The following F13A1 variants were observed in gnomAD, a reference collection of about 807,000 sequenced individuals.
F13A1 encodes FSF, A subunit.
A neutral mutation model predicts 80.1 loss-of-function variants in F13A1; 47 were observed. That is an observed-to-expected ratio of 0.59 (90% CI 0.46 to 0.75). The LOEUF (loss-of-function observed/expected upper bound fraction) is 0.75, where lower values mean the gene tolerates loss of function less well. F13A1 is among the 30% of genes least tolerant of loss of function. The probability of loss-of-function intolerance (pLI) is 0.00; values close to 1 mark genes in which losing one functional copy is unlikely to be tolerated. For synonymous variants in F13A1, 349 were observed against 344.9 expected, an observed-to-expected ratio of 1.01 and a Z score of -0.13; for missense variants, 817 against 930.4, an observed-to-expected ratio of 0.88 and a Z score of 1.59.
intron 3 of F13A1, among the ~76,000 whole-genome samples, chr6:6,293,985 A>G (rs1449066173): frequency 6.6e-6 from 1 of 152,162 alleles, no homozygotes; most frequent in Non-Finnish European, 1.5e-5. Flanking sequence ...ACTGAATGCA[A>G]ATTGGAAGCA....
chr6:6,238,996 CTT>C (rs1264248965), intron 6 of F13A1, among the ~76,000 whole-genome samples: 1 of 152,062 alleles, frequency 6.6e-6, no homozygotes, highest in Non-Finnish European at 1.5e-5. Flanking sequence ...GGCATGCTCT[CTT>C]TAGCTATTTA....
In F13A1 at chr6:6,318,151, A is replaced by G. The variant is rs188264758; in HGVS notation, c.130+384T>C. Among the ~76,000 whole-genome samples, 61 of 152,382 alleles carry G rather than the reference A, an allele frequency of 4.0e-4. No individual in the cohort carries two copies. The East Asian group carries it at 9.4e-3, about 24-fold the overall frequency. ...GAAGGAGGTGCAAGCCAGACAATCA[A>G]AACAGCCACAATATTTTGGAAGTGG... On this transcript the variant is annotated intron_variant, in intron 2 of 14. Transcript: ENST00000264870.
At chr6:6,147,578 C>A (rs559440673) in intron 14 of F13A1, among the ~76,000 whole-genome samples, 1 of 152,174 alleles carries the variant, frequency 6.6e-6, no homozygotes, top group Non-Finnish European at 1.5e-5. Context: ...TCCATTCATT[C>A]TCTCTCCTCT....
At chr6:6,253,012 AGC>A (rs1287066073) in intron 4 of F13A1, among the ~76,000 whole-genome samples, 1 of 151,812 alleles carries the variant, frequency 6.6e-6, no homozygotes, top group Admixed American at 6.6e-5. Context: ...TAAAAATATA[AGC>A]CAGGCATGGT....
chr6:6,145,393 G>C lies in F13A1; in HGVS notation c.*226C>G. Reference sequence around the variant, plus strand: ...AGAGCTTAATTAAAGCTAATGCTTAGCACTCTTTGGAAGGTGGAGAGATTA... The same window carrying C: ...AGAGCTTAATTAAAGCTAATGCTTACCACTCTTTGGAAGGTGGAGAGATTA... On this transcript the variant is annotated 3_prime_UTR_variant, in exon 15 of 15. Coordinates refer to ENST00000264870, the MANE Select transcript of F13A1 (RefSeq NM_000129.4). The C allele has an allele frequency of 6.8e-6, 4 of 590,232 alleles. No homozygotes were observed. Among genetic ancestry groups the C allele is most frequent in the Non-Finnish European group, 1.2e-5 (4 of 328,774 alleles). 36.6% of individuals were successfully genotyped at this position (590,232 alleles called of 1,614,324 possible).
At chr6:6,171,926 C>T (rs948198062) in intron 12 of F13A1, among the ~76,000 whole-genome samples, 2 of 152,180 alleles carry the variant, frequency 1.3e-5, no homozygotes, top group Non-Finnish European at 2.9e-5. Flanking sequence ...AAATGTCACC[C>T]CATTAGAGAG....
intron 3 of F13A1, among the ~76,000 whole-genome samples, chr6:6,291,032 T>C (rs1377963685): frequency 1.3e-5 from 2 of 151,980 alleles, no homozygotes; most frequent in African/African-American, 4.9e-5. Context: ...AGACATAGTC[T>C]TAAAGGATAT....
At chr6:6,229,205 T>C (rs1397292904) in intron 6 of F13A1, among the ~76,000 whole-genome samples, 1 of 152,026 alleles carries the variant, frequency 6.6e-6, no homozygotes, top group Admixed American at 6.6e-5. Flanking sequence ...AGAAACTGCA[T>C]GCAGAGGAAG....
rs775540197 is a variant in F13A1 at position 6,162,047 on chromosome 6, C to T, written c.1908+5411G>A. Reference sequence around the variant, plus strand: ...TTCCTGGAGAAGACAATGCTTTGGGCAAAGGCTTTGAAGAGAAGGGAGGAA... The same window carrying T: ...TTCCTGGAGAAGACAATGCTTTGGGTAAAGGCTTTGAAGAGAAGGGAGGAA... On this transcript the variant is annotated intron_variant, in intron 13 of 14. Coordinates refer to ENST00000264870, the MANE Select transcript of F13A1 (RefSeq NM_000129.4). The surrounding 1 kb of genome is among the most constrained non-coding windows in gnomAD (Gnocchi z 4.2). 6.6e-5 allele frequency among the ~76,000 whole-genome samples: 10 copies of T among 150,930 alleles called. No homozygotes were observed. The highest frequency in any genetic ancestry group is 1.2e-4 in the Non-Finnish European group (8 of 67,798).
chr6:6,161,834 A>G (rs1387956405), intron 13 of F13A1, among the ~76,000 whole-genome samples: 1 of 152,042 alleles, frequency 6.6e-6, no homozygotes, highest in Non-Finnish European at 1.5e-5. Flanking sequence ...AGTAAAATCC[A>G]CGACTGGGTC....
chr6:6,174,910 A>T (rs754216001), intron 11 of F13A1, 43 bp from the exon 12 acceptor site: 22 of 1,611,722 alleles, frequency 1.4e-5, no homozygotes, highest in Non-Finnish European at 1.9e-5. Context: ...AATACAATCC[A>T]CCAGAGAGAA....
intron 11 of F13A1, among the ~76,000 whole-genome samples, chr6:6,178,042 AGAG>A (rs763716948): frequency 0.052 from 380 of 7,324 alleles, no homozygotes; most frequent in Non-Finnish European, 0.12. Context: ...GGCCACAGGG[AGAG>A]GGGGGGGGGG....
chr6:6,200,127 G>A (rs17376089), intron 8 of F13A1, among the ~76,000 whole-genome samples: 18,721 of 152,198 alleles, frequency 0.12, 1,551 homozygotes, highest in Non-Finnish European at 0.18. Flanking sequence ...AGGCCTAAGA[G>A]GCATTTTTGT....
At chr6:6,263,207 A>G (rs958544838) in intron 4 of F13A1, among the ~76,000 whole-genome samples, 1 of 152,116 alleles carries the variant, frequency 6.6e-6, no homozygotes, top group Non-Finnish European at 1.5e-5. Context: ...GAAAGGTGCC[A>G]TCTCCCGCCG....
chr6:6,277,872 C>G (rs1247988296), intron 3 of F13A1, among the ~76,000 whole-genome samples: 1 of 152,208 alleles, frequency 6.6e-6, no homozygotes, highest in East Asian at 1.9e-4. Flanking sequence ...TTCATAGCTC[C>G]TCCTGTAACC....
chr6:6,308,137 C>A (rs752131468), intron 2 of F13A1, among the ~76,000 whole-genome samples: 1 of 152,028 alleles, frequency 6.6e-6, no homozygotes. Context: ...ACCTCATCCT[C>A]CTGAGTAGCT....
chr6:6,259,117 G>C (rs144915238), intron 4 of F13A1, among the ~76,000 whole-genome samples: 2 of 152,094 alleles, frequency 1.3e-5, no homozygotes, highest in Non-Finnish European at 2.9e-5. Context: ...TAATACTGTC[G>C]TACTGTGCAC....
intron 4 of F13A1, among the ~76,000 whole-genome samples, chr6:6,258,537 C>T (rs907726785): frequency 6.6e-6 from 1 of 152,174 alleles, no homozygotes; most frequent in Non-Finnish European, 1.5e-5. Flanking sequence ...CAACCATGCT[C>T]TTTCTAGAAA....
chr6:6,184,185 A>C (rs1761037621), intron 10 of F13A1, among the ~76,000 whole-genome samples: 1 of 152,214 alleles, frequency 6.6e-6, no homozygotes, highest in African/African-American at 2.4e-5. Flanking sequence ...TGAGGTATAT[A>C]TTGTAACCGT....
Sources: gnomAD v4.1 joint callset for allele counts (sites outside exome capture counted in the v4.1 genomes callset) on GRCh38, gnomAD v4.1.1 for gene constraint, Gnocchi (gnomAD v3.1) non-coding constraint, MANE v1.5 for transcripts, NCBI Gene and HGNC (gene_info 2026-07-23, HGNC 2026-07-21) for gene names.